Variants in STX8 observed in about 807,000 individuals in gnomAD.
STX8 encodes syntaxin 8, also known as syntaxin-8.
STX8 carries 23 observed loss-of-function variants against 37.5 expected under a neutral mutation model. The ratio of observed to expected loss-of-function variants is 0.61; its 90% CI spans 0.44 to 0.87. STX8 has a LOEUF of 0.87. Ranked by LOEUF, STX8 falls within the 40% of genes least tolerant of loss-of-function variation. STX8 has a pLI of 0.00. For missense variants in STX8, 313 were observed against 284.7 expected (o/e 1.10, Z -0.71); for synonymous variants, 115 against 99.1 (o/e 1.16, Z -0.95).
intron 6 of STX8, among the ~76,000 whole-genome samples, chr17:9,473,036 A>T (rs1186856371): frequency 7.6e-6 from 1 of 131,494 alleles, no homozygotes; most frequent in African/African-American, 3.0e-5. Context: ...GTGTCTCAGG[A>T]TCTTTTTTTC....
chr17:9,253,425 CT>C (rs1477121488), intron 7 of STX8, among the ~76,000 whole-genome samples: 3 of 152,084 alleles, frequency 2.0e-5, no homozygotes, highest in Non-Finnish European at 4.4e-5. Flanking sequence ...TGGGCAGGAG[CT>C]TCACTAGTTC....
rs1907605195 is a variant in STX8, at chr17:9,274,738, C to A, written c.644-24093G>T. Among the ~76,000 whole-genome samples the A allele has an allele frequency of 2.3e-5, 3 of 131,840 alleles. 1 individual carries two copies. Among genetic ancestry groups the A allele is most frequent in the African/African-American group, 5.3e-5 (2 of 37,670 alleles). The allele number at this position is 131,840 out of a possible 152,430, so 86.5% of individuals were successfully genotyped here. A position where few individuals can be genotyped will look rare whatever the true frequency, so the allele number is the denominator to read the frequency against. ...ATAAACAAAGTCTTCAAAAATACAACAATTTCTTTTTTCTTTTTTTTTTTT... is the reference window on the plus strand; with the variant it reads ...ATAAACAAAGTCTTCAAAAATACAAAAATTTCTTTTTTCTTTTTTTTTTTT... On this transcript the variant is annotated intron_variant, in intron 7 of 7. Transcript: ENST00000306357.
intron 7 of STX8, among the ~76,000 whole-genome samples, chr17:9,274,956 G>A (rs1485339102): frequency 6.6e-6 from 1 of 151,530 alleles, no homozygotes; most frequent in Non-Finnish European, 1.5e-5. Context: ...TCACCATGTT[G>A]GCCAAGCTGG....
At position 9,418,338 on chromosome 17, in the gene STX8, G is replaced by A. The variant is rs185179110; in HGVS notation, c.542-39685C>T. Reference sequence around the variant, plus strand: ...GCATCAGGATTTTAAAACTCTCAAGGTGATTCTAATAGGCAGTGAAAGTCG... The same window carrying A: ...GCATCAGGATTTTAAAACTCTCAAGATGATTCTAATAGGCAGTGAAAGTCG... On this transcript the variant is annotated intron_variant, in intron 6 of 7. Coordinates refer to ENST00000306357, the MANE Select transcript of STX8 (RefSeq NM_004853.3). Among the ~76,000 whole-genome samples the A allele has an allele frequency of 2.0e-5, 3 of 152,160 alleles. No individual in the cohort carries two copies. The East Asian group carries it at 5.8e-4, about 29-fold the overall frequency.
intron 7 of STX8, among the ~76,000 whole-genome samples, chr17:9,254,108 A>G (rs1425904193): frequency 6.6e-6 from 1 of 152,130 alleles, no homozygotes; most frequent in Non-Finnish European, 1.5e-5. Context: ...CTGAGATCCA[A>G]ACTTTACAGT....
chr17:9,478,486 G>T (rs556386977), intron 6 of STX8, among the ~76,000 whole-genome samples: 13 of 152,268 alleles, frequency 8.5e-5, no homozygotes, highest in African/African-American at 3.1e-4. Flanking sequence ...ACATGCAAAG[G>T]AGAAACGGTA....
At chr17:9,308,721 CAAAAA>C (rs1171647976) in intron 7 of STX8, among the ~76,000 whole-genome samples, 7 of 71,386 alleles carry the variant, frequency 9.8e-5, no homozygotes, top group South Asian at 1.1e-3. Context: ...GAAACTCCGT[CAAAAA>C]AAAAAAAAAA....
intron 7 of STX8, among the ~76,000 whole-genome samples, chr17:9,269,128 A>G (rs1907353141): frequency 6.6e-6 from 1 of 151,500 alleles, no homozygotes. Context: ...CAGAGCTTGC[A>G]GTGAGCCGAG....
chr17:9,330,882 C>T (rs899935768), intron 7 of STX8, among the ~76,000 whole-genome samples: 7 of 151,120 alleles, frequency 4.6e-5, no homozygotes, highest in African/African-American at 1.7e-4. Flanking sequence ...CTTCAGAGAA[C>T]CTTCCTTCAG....
At chr17:9,290,242 A>G (rs1356046807) in intron 7 of STX8, among the ~76,000 whole-genome samples, 2 of 152,184 alleles carry the variant, frequency 1.3e-5, no homozygotes, top group Non-Finnish European at 2.9e-5. Flanking sequence ...TACACCCTGC[A>G]CTATTTGTCT....
At chr17:9,372,842 G>A (rs189844039) in intron 7 of STX8, among the ~76,000 whole-genome samples, 3 of 142,062 alleles carry the variant, frequency 2.1e-5, no homozygotes, top group East Asian at 4.3e-4. Context: ...GGTGGCTCAC[G>A]CCTGTAATCC....
chr17:9,550,241 G>C (rs1025389016), intron 3 of STX8, among the ~76,000 whole-genome samples: 11 of 142,170 alleles, frequency 7.7e-5, no homozygotes, highest in Admixed American at 2.1e-4. Context: ...AAAAAAAGTA[G>C]TACAGCACAC....
At chr17:9,556,798 C>CAT (rs1291282127) in intron 3 of STX8, 4 of 74,848 alleles carry the variant, frequency 5.3e-5, no homozygotes, top group African/African-American at 2.5e-4. Context: ...TATATATACA[C>CAT]ATACATATAT....
At chr17:9,327,302 GA>G (rs1909802341) in intron 7 of STX8, among the ~76,000 whole-genome samples, 2 of 147,608 alleles carry the variant, frequency 1.4e-5, no homozygotes, top group African/African-American at 5.2e-5. Context: ...GAAGAAGAAA[GA>G]AAGAAGAAGA....
intron 7 of STX8, among the ~76,000 whole-genome samples, chr17:9,298,239 T>C (rs1213620665): frequency 1.3e-5 from 2 of 152,154 alleles, no homozygotes; most frequent in Non-Finnish European, 2.9e-5. Context: ...ACAGTAAAAG[T>C]GTCAGTGACT....
At chr17:9,508,667 C>CA (rs1368164062) in intron 4 of STX8, among the ~76,000 whole-genome samples, 1 of 152,046 alleles carries the variant, frequency 6.6e-6, no homozygotes, top group Non-Finnish European at 1.5e-5. Flanking sequence ...TGAAATAACA[C>CA]AGAAAGATGG....
chr17:9,488,725 C>T (rs889069750), intron 6 of STX8, among the ~76,000 whole-genome samples: 2 of 152,128 alleles, frequency 1.3e-5, no homozygotes, highest in African/African-American at 2.4e-5. Context: ...AGCCACCCTG[C>T]CCATGCCTTA....
chr17:9,524,216 A>G (rs1012373133), intron 4 of STX8, among the ~76,000 whole-genome samples: 2 of 152,198 alleles, frequency 1.3e-5, no homozygotes, highest in Admixed American at 1.3e-4. Flanking sequence ...ACAAATTTCT[A>G]CCCACTTGCG....
chr17:9,482,579 GCTT>G (rs1308142252), intron 6 of STX8, among the ~76,000 whole-genome samples: 1 of 152,072 alleles, frequency 6.6e-6, no homozygotes, highest in African/African-American at 2.4e-5. Context: ...CATTTGAGAG[GCTT>G]CTGATAGTGA....
Sources: allele counts gnomAD v4.1 joint callset (sites outside exome capture counted in the v4.1 genomes callset), GRCh38; gene constraint gnomAD v4.1.1; transcripts MANE v1.5; gene names NCBI Gene and HGNC (gene_info 2026-07-23, HGNC 2026-07-21).